ZCWPW1: variants seen among roughly 807,000 people sequenced by gnomAD.
ZCWPW1 encodes the protein zinc finger CW-type and PWWP domain containing 1, also known as zinc finger CW-type PWWP domain protein 1.
ZCWPW1 carries 56 observed loss-of-function variants against 81.3 expected under a neutral mutation model. That is an observed-to-expected ratio of 0.69 (90% CI 0.56 to 0.86). The LOEUF is 0.86. Ranked by LOEUF, ZCWPW1 falls within the 40% of genes least tolerant of loss-of-function variation. ZCWPW1 has a pLI of 0.00. For synonymous variants in ZCWPW1, 250 were observed against 273.7 expected, an observed-to-expected ratio of 0.91 and a Z score of 0.86; for missense variants, 650 against 769.8, an observed-to-expected ratio of 0.84 and a Z score of 1.84.
At chr7:100,415,460 A>T (rs1463152691) in intron 8 of ZCWPW1, among the ~76,000 whole-genome samples, 1 of 152,116 alleles carries the variant, frequency 6.6e-6, no homozygotes, top group Non-Finnish European at 1.5e-5. Flanking sequence ...CTCTTCAACC[A>T]GCTATAAGCT....
At chr7:100,413,724 C>CT (rs972749926) in intron 8 of ZCWPW1, among the ~76,000 whole-genome samples, 4 of 151,980 alleles carry the variant, frequency 2.6e-5, no homozygotes, top group African/African-American at 9.7e-5. Flanking sequence ...TGCAGTAATT[C>CT]TTTTTTTTCC....
At chr7:100,423,271 G>T (rs902326756) in intron 2 of ZCWPW1, among the ~76,000 whole-genome samples, 4 of 152,148 alleles carry the variant, frequency 2.6e-5, no homozygotes, top group African/African-American at 9.7e-5. Flanking sequence ...GTTTCTGGCT[G>T]TTGGCTTTGA....
chr7:100,419,038 C>T, intron 5 of ZCWPW1, 73 bp downstream of exon 5: 2 of 1,198,436 alleles, frequency 1.7e-6, no homozygotes, highest in South Asian at 1.3e-5. Context: ...GAGAAGCTGT[C>T]AGACTTAACT....
Position 100,408,654 on chromosome 7 carries a change from G to T in ZCWPW1, c.877C>A (p.Gln293Lys). 6.2e-7 allele frequency: 1 copy of T among 1,612,742 alleles called. No individual in the cohort carries two copies. Among genetic ancestry groups the T allele is most frequent in the African/African-American group, 1.3e-5 (1 of 74,938 alleles). ...NWSCDQNTDVQYNRCDIPEET... is the reference protein window; with the variant it reads ...NWSCDQNTDVKYNRCDIPEET... Reference sequence around the variant, plus strand: ...TCAGGAATATCACAGCGATTATACTGCACATCTGCTGAAAGAGAGAAGGAA... The same window carrying T: ...TCAGGAATATCACAGCGATTATACTTCACATCTGCTGAAAGAGAGAAGGAA... Residue 293 changes from glutamine (Q) to lysine (K), a missense_variant, in exon 10 of 18, where the codon CAG becomes AAG. Transcript: ENST00000684423.
At chr7:100,412,803 G>C (rs1027242114) in intron 8 of ZCWPW1, among the ~76,000 whole-genome samples, 1 of 152,112 alleles carries the variant, frequency 6.6e-6, no homozygotes, top group South Asian at 2.1e-4. Flanking sequence ...GGATGGTCTT[G>C]ATCTCCTGAC....
At chr7:100,404,965 T>C (rs890855803) in intron 13 of ZCWPW1, 48 bp downstream of exon 13, 2 of 1,566,436 alleles carry the variant, frequency 1.3e-6, no homozygotes, top group Admixed American at 1.7e-5. Flanking sequence ...GAATCCCCCT[T>C]GTCCAAGAGT....
At chr7:100,401,829 G>C in intron 17 of ZCWPW1, 60 bp downstream of exon 17, 1 of 1,531,362 alleles carries the variant, frequency 6.5e-7, no homozygotes, top group South Asian at 1.3e-5. Context: ...ATGATTCAGG[G>C]AGGGGAGATG....
At chr7:100,408,843 TGAAATGCAGCTGGAA>T (rs1793591961) in intron 9 of ZCWPW1, among the ~76,000 whole-genome samples, 184 bp from the exon 10 acceptor site, 1 of 134,878 alleles carries the variant, frequency 7.4e-6, no homozygotes, top group African/African-American at 3.5e-5. Context: ...TGGAACCAGC[TGAAATGCAGCTGGAA>T]CCAGCTGAAA....
At chr7:100,412,899 T>TA (rs1308546106) in intron 8 of ZCWPW1, among the ~76,000 whole-genome samples, 2 of 152,060 alleles carry the variant, frequency 1.3e-5, no homozygotes, top group African/African-American at 2.4e-5. Flanking sequence ...TAAATATATA[T>TA]TTTTTTGAGA....
At chr7:100,407,126 G>T in intron 11 of ZCWPW1, 102 bp downstream of exon 11, 1 of 1,076,614 alleles carries the variant, frequency 9.3e-7, no homozygotes, top group Non-Finnish European at 1.4e-6. Flanking sequence ...TTTCACTTGT[G>T]TCTGCTGGCT....
rs995363414 is a variant in ZCWPW1 at position 100,425,139 on chromosome 7, G to C, written c.-136-3C>G. ...TTCACAATAACAAATACTGAAAGCT[G>C]GTTCAGAGAGAGAGAGAAAAAAATA... On this transcript the variant is annotated splice_polypyrimidine_tract_variant and splice_region_variant and intron_variant, in intron 1 of 17. Transcript: ENST00000684423. 2 of 152,078 alleles carry C rather than the reference G, an allele frequency of 1.3e-5. No homozygotes were observed. The highest frequency in any genetic ancestry group is 4.8e-5 in the African/African-American group (2 of 41,408). 9.4% of individuals were successfully genotyped at this position (152,078 alleles called of 1,614,324 possible).
intron 8 of ZCWPW1, among the ~76,000 whole-genome samples, chr7:100,414,958 A>G (rs1268306158): frequency 6.7e-6 from 1 of 148,266 alleles, no homozygotes; most frequent in Non-Finnish European, 1.5e-5. Flanking sequence ...CCGGGAGGAG[A>G]AGGTTGCAGT....
chr7:100,403,863 T>C, intron 14 of ZCWPW1, 78 bp from the exon 15 acceptor site: 1 of 1,399,776 alleles, frequency 7.1e-7, no homozygotes, highest in Non-Finnish European at 1.0e-6. Flanking sequence ...TCACAAAGAA[T>C]CTGTCTTCTA....
At chr7:100,405,674 C>CT (rs988507591) in intron 12 of ZCWPW1, among the ~76,000 whole-genome samples, 6 of 152,162 alleles carry the variant, frequency 3.9e-5, no homozygotes, top group African/African-American at 1.4e-4. Context: ...CTCTGTCACC[C>CT]AGGCTGGAGT....
chr7:100,416,579 C>A, intron 6 of ZCWPW1, 123 bp from the exon 7 acceptor site: 1 of 953,384 alleles, frequency 1.0e-6, no homozygotes, highest in Non-Finnish European at 1.5e-6. Flanking sequence ...CTCCTGAGGC[C>A]ATTTCATCCA....
At position 100,422,175 on chromosome 7, in the gene ZCWPW1, T is replaced by C. The variant is rs1187267641; in HGVS notation, c.-29-1497A>G. On this transcript the variant is annotated intron_variant, in intron 2 of 17. Coordinates refer to ENST00000684423, the MANE Select transcript of ZCWPW1 (RefSeq NM_001386010.1). ...TCAGGTTTACAGGGATTTAAAGATA[T>C]TAAGTCATCGATAAGTAGTAAAATC... Among the ~76,000 whole-genome samples the C allele has an allele frequency of 3.3e-5, 5 of 152,250 alleles. No homozygotes were observed. In the East Asian group the frequency reaches 7.7e-4, roughly 23 times the overall value.
In ZCWPW1 at chr7:100,419,899, T is replaced by C. The variant is rs1436361266; in HGVS notation, c.29-16A>G. ...TTTCCACATTCTGAAAGAAATGTGATCAAGTGGAATTTATGAAACATACAG... is the reference window on the plus strand; with the variant it reads ...TTTCCACATTCTGAAAGAAATGTGACCAAGTGGAATTTATGAAACATACAG... On this transcript the variant is annotated splice_polypyrimidine_tract_variant and intron_variant, in intron 3 of 17. Transcript: ENST00000684423. The C allele has an allele frequency of 1.3e-6, 2 of 1,543,944 alleles. No homozygotes were observed. Among genetic ancestry groups the C allele is most frequent in the Non-Finnish European group, 1.7e-6 (2 of 1,145,416 alleles).
At chr7:100,417,016 G>C (rs1460811924) in intron 6 of ZCWPW1, 50 bp downstream of exon 6, 1 of 1,231,214 alleles carries the variant, frequency 8.1e-7, no homozygotes, top group Non-Finnish European at 1.2e-6. Context: ...GACTGACCAT[G>C]AATGTGTAGT....
chr7:100,417,355 T>G, intron 5 of ZCWPW1, 172 bp from the exon 6 acceptor site: 2 of 559,072 alleles, frequency 3.6e-6, no homozygotes, highest in South Asian at 4.9e-5. Flanking sequence ...ATATGTATCT[T>G]TCTGCAAGCC....
Sources: gnomAD v4.1 joint callset for allele counts (sites outside exome capture counted in the v4.1 genomes callset) on GRCh38, gnomAD v4.1.1 for gene constraint, MANE v1.5 for transcripts, NCBI Gene and HGNC (gene_info 2026-07-23, HGNC 2026-07-21) for gene names.